MPZL1: variants seen among roughly 807,000 people sequenced by gnomAD.
The protein encoded by MPZL1 is myelin protein zero like 1.
MPZL1 carries 16 observed loss-of-function variants against 29.3 expected under a neutral mutation model. The ratio of observed to expected loss-of-function variants is 0.55; its 90% CI spans 0.37 to 0.83. The LOEUF (loss-of-function observed/expected upper bound fraction) is 0.83. Among genes scored for constraint, MPZL1 ranks in the 40% least tolerant of loss-of-function variants. The pLI, the probability that MPZL1 is intolerant of heterozygous loss-of-function variation, is 0.00. For missense variants in MPZL1, 279 were observed against 332.9 expected (o/e 0.84, Z 1.26); for synonymous variants, 143 against 132.0 (o/e 1.08, Z -0.57).
At chr1:167,731,884 A>G (rs1009477594) in intron 1 of MPZL1, among the ~76,000 whole-genome samples, 5 of 152,200 alleles carry the variant, frequency 3.3e-5, no homozygotes, top group African/African-American at 1.2e-4. Flanking sequence ...AAAACAAGTT[A>G]TAGGTCCACA....
At chr1:167,751,754 G>A (rs923756971) in intron 1 of MPZL1, among the ~76,000 whole-genome samples, 1 of 151,596 alleles carries the variant, frequency 6.6e-6, no homozygotes, top group African/African-American at 2.4e-5. Flanking sequence ...AAGTCAATTT[G>A]CAGGTTTATA....
At chr1:167,739,310 C>CATATATAT (rs68082264) in intron 1 of MPZL1, among the ~76,000 whole-genome samples, 10 of 101,372 alleles carry the variant, frequency 9.9e-5, no homozygotes, top group African/African-American at 5.0e-4. Context: ...TATATATATA[C>CATATATAT]ACATATATAT....
intron 4 of MPZL1, chr1:167,773,588 C>A (rs539728533): frequency 1.3e-5 from 6 of 473,154 alleles, no homozygotes; most frequent in Non-Finnish European, 2.1e-5. Context: ...GTTCCAGTTT[C>A]CTTCTTAGGT....
chr1:167,736,221 T>G (rs1660374874), intron 1 of MPZL1, among the ~76,000 whole-genome samples: 1 of 152,218 alleles, frequency 6.6e-6, no homozygotes, highest in South Asian at 2.1e-4. Context: ...CTTAGGCAGG[T>G]TCTGCTCTCA....
rs949700248 is a variant in MPZL1, at chr1:167,746,257, T to C, written c.92-19326T>C. On this transcript the variant is annotated intron_variant, in intron 1 of 5. Coordinates refer to ENST00000359523, the MANE Select transcript of MPZL1 (RefSeq NM_003953.6). ...AGCATATTATAAAGAGTGTGCTGTG[T>C]TGGGGAAAGGGCTAGAAGTTTGATG... is the stretch of plus-strand genomic sequence containing the variant. 2.4e-4 allele frequency among the ~76,000 whole-genome samples: 36 copies of C among 151,754 alleles called. 2 individuals carry two copies. The highest frequency in any genetic ancestry group is 1.4e-3 in the Admixed American group (21 of 15,234).
chr1:167,776,126 C>A lies in MPZL1; in HGVS notation c.668C>A (p.Thr223Asn). ...GCTCCTCGGAAGTCCCCCTCCGACACTGAGGGTCTTGTAAAGAGTCTGCCT... is the reference window on the plus strand; with the variant it reads ...GCTCCTCGGAAGTCCCCCTCCGACAATGAGGGTCTTGTAAAGAGTCTGCCT... ...KQAPRKSPSD[T>N]EGLVKSLPSG... is the part of the protein sequence containing the mutation. Residue 223 changes from threonine to asparagine, a missense_variant, in exon 5 of 6, where the codon ACT (threonine) becomes AAT (asparagine). Physicochemically the swap from Thr to Asn is moderately conservative, Grantham distance 65. Coordinates refer to ENST00000359523, the MANE Select transcript of MPZL1 (RefSeq NM_003953.6). 1 of 1,612,800 alleles carries A rather than the reference C, an allele frequency of 6.2e-7. No individual in the cohort carries two copies. The highest frequency in any genetic ancestry group is 8.5e-7 in the Non-Finnish European group (1 of 1,179,268).
Position 167,748,250 on chromosome 1 carries a change from A to G in MPZL1, c.92-17333A>G, listed in dbSNP as rs116341297. Among the ~76,000 whole-genome samples the G allele has an allele frequency of 5.2e-3, 794 of 152,256 alleles. 6 individuals carry two copies. Among genetic ancestry groups the G allele is most frequent in the African/African-American group, 0.018 (737 of 41,558 alleles). The stretch of plus-strand genomic sequence containing the variant: ...TTTTTCAAAAGGCTGTATCATTTCT[A>G]TTCCCATCAACAATGTAGAGAGTTC... On this transcript the variant is annotated intron_variant, in intron 1 of 5. Coordinates refer to ENST00000359523, the MANE Select transcript of MPZL1 (RefSeq NM_003953.6).
intron 1 of MPZL1, among the ~76,000 whole-genome samples, chr1:167,763,602 C>G (rs1303717415): frequency 1.3e-5 from 2 of 151,936 alleles, no homozygotes; most frequent in African/African-American, 4.8e-5. Flanking sequence ...ATGGAGAAAA[C>G]TAGTCAAAAT....
intron 1 of MPZL1, among the ~76,000 whole-genome samples, chr1:167,731,480 A>G (rs1224305571): frequency 7.9e-6 from 1 of 127,348 alleles, no homozygotes; most frequent in East Asian, 2.5e-4. Context: ...TCTGTCGCCC[A>G]GGCTGGAGTG....
intron 1 of MPZL1, among the ~76,000 whole-genome samples, chr1:167,729,384 C>T (rs891865205): frequency 6.6e-6 from 1 of 152,060 alleles, no homozygotes; most frequent in African/African-American, 2.4e-5. Context: ...TCATGTGCTT[C>T]TTCCAGATAA....
chr1:167,735,683 G>A (rs1385286688), intron 1 of MPZL1, among the ~76,000 whole-genome samples: 1 of 152,106 alleles, frequency 6.6e-6, no homozygotes, highest in Admixed American at 6.5e-5. Flanking sequence ...GTCCAAAGGC[G>A]GTCTGCTGGC....
At chr1:167,731,386 G>A (rs1224193346) in intron 1 of MPZL1, among the ~76,000 whole-genome samples, 6 of 151,676 alleles carry the variant, frequency 4.0e-5, no homozygotes, top group South Asian at 4.2e-4. Flanking sequence ...GCAGTAAGCC[G>A]AGATTGTGCT....
At chr1:167,782,404 C>T (rs189520323) in intron 5 of MPZL1, among the ~76,000 whole-genome samples, 47 of 152,198 alleles carry the variant, frequency 3.1e-4, no homozygotes, top group African/African-American at 1.1e-3. Context: ...ATTTTCTCAT[C>T]TCATGGGTGT....
intron 1 of MPZL1, among the ~76,000 whole-genome samples, chr1:167,725,293 T>G (rs1276556885): frequency 6.6e-6 from 1 of 152,158 alleles, no homozygotes; most frequent in South Asian, 2.1e-4. Flanking sequence ...CTTCCTCTTT[T>G]TCCCCCTCTG....
intron 1 of MPZL1, among the ~76,000 whole-genome samples, chr1:167,724,893 A>G (rs1391812019): frequency 6.6e-6 from 1 of 152,174 alleles, no homozygotes; most frequent in African/African-American, 2.4e-5. Context: ...CCAAAGACGG[A>G]GTTTTGGGGT....
chr1:167,753,681 G>A (rs1660805139), intron 1 of MPZL1, among the ~76,000 whole-genome samples: 1 of 151,616 alleles, frequency 6.6e-6, no homozygotes, highest in African/African-American at 2.4e-5. Context: ...GCTGGATGGA[G>A]TGCAGCGGTG....
At position 167,722,129 on chromosome 1, in the gene MPZL1, G is replaced by A. The variant is rs1660041039; in HGVS notation, c.-23G>A. 3 of 1,234,496 alleles carry A rather than the reference G, an allele frequency of 2.4e-6. No homozygotes were observed. In the South Asian group the frequency reaches 1.2e-4, roughly 51 times the overall value. The allele number at this position is 1,234,496 out of a possible 1,614,324, so 76.5% of individuals were successfully genotyped here. A position where few individuals can be genotyped will look rare whatever the true frequency, so the allele number is the denominator to read the frequency against. Reference sequence around the variant, plus strand: ...CGGGCTCAGGGACGCGGCGGCGGCGGCGGCGACTGCAGTGGCTGGACGATG... The same window carrying A: ...CGGGCTCAGGGACGCGGCGGCGGCGACGGCGACTGCAGTGGCTGGACGATG... On this transcript the variant is annotated 5_prime_UTR_variant, in exon 1 of 6. Coordinates refer to ENST00000359523, the MANE Select transcript of MPZL1 (RefSeq NM_003953.6).
chr1:167,762,510 T>C (rs1218867961), intron 1 of MPZL1, among the ~76,000 whole-genome samples: 1 of 152,194 alleles, frequency 6.6e-6, no homozygotes, highest in Non-Finnish European at 1.5e-5. Flanking sequence ...AACAGCTGCA[T>C]TGATTATAGC....
In MPZL1 at chr1:167,772,411, C is replaced by A; in HGVS notation, c.395C>A (p.Thr132Asn). The A allele has an allele frequency of 6.2e-7, 1 of 1,614,088 alleles. No homozygotes were observed. Among genetic ancestry groups the A allele is most frequent in the Non-Finnish European group, 8.5e-7 (1 of 1,179,974 alleles). ...IENMQFIHNGTYICDVKNPPD... is the reference protein window; with the variant it reads ...IENMQFIHNGNYICDVKNPPD... ...AATATGCAGTTTATACACAATGGCA[C>A]CTATATCTGTGATGTCAAAAACCCT... is the stretch of plus-strand genomic sequence containing the variant. The change falls in exon 3 of 6, where the codon ACC (threonine) becomes AAC (asparagine). Residue 132 changes from threonine (T) to asparagine (N), a missense_variant. Thr to Asn is a moderately conservative substitution (Grantham distance 65). Coordinates refer to ENST00000359523, the MANE Select transcript of MPZL1 (RefSeq NM_003953.6).
Sources: allele counts gnomAD v4.1 joint callset (sites outside exome capture counted in the v4.1 genomes callset), GRCh38; gene constraint gnomAD v4.1.1; transcripts MANE v1.5; gene names NCBI Gene and HGNC (gene_info 2026-07-23, HGNC 2026-07-21).